ZNF143: variants seen among roughly 807,000 people sequenced by gnomAD.
ZNF143 encodes SPH-binding factor.
ZNF143 carries 49 observed loss-of-function variants against 74.1 expected under a neutral mutation model. The ratio of observed to expected loss-of-function variants is 0.66; its 90% CI spans 0.53 to 0.84. ZNF143 has a LOEUF of 0.84. ZNF143 is among the 40% of genes least tolerant of loss of function. The probability of loss-of-function intolerance (pLI) is 0.00; values close to 1 mark genes in which losing one functional copy is unlikely to be tolerated. For missense variants in ZNF143, 637 were observed against 793.4 expected (o/e 0.80, Z 2.37); for synonymous variants, 304 against 282.8 (o/e 1.07, Z -0.75).
intron 7 of ZNF143, among the ~76,000 whole-genome samples, chr11:9,491,733 G>A (rs61876795): frequency 6.6e-6 from 1 of 152,004 alleles, no homozygotes; most frequent in South Asian, 2.1e-4. Flanking sequence ...GGACTCGCGC[G>A]ATCCTCTCAC....
chr11:9,462,883 A>G (rs1252522077), intron 1 of ZNF143, among the ~76,000 whole-genome samples: 1 of 152,174 alleles, frequency 6.6e-6, no homozygotes, highest in East Asian at 1.9e-4. Flanking sequence ...CTCAAAAAAA[A>G]AGTTGAATTT....
chr11:9,465,686 A>G (rs912187216), intron 1 of ZNF143, among the ~76,000 whole-genome samples: 4 of 126,844 alleles, frequency 3.2e-5, no homozygotes, highest in Non-Finnish European at 5.0e-5. Flanking sequence ...TTTTTTTTGT[A>G]TTTTTGGTAG....
At chr11:9,497,614 C>G in intron 9 of ZNF143, 61 bp from the exon 10 acceptor site, 1 of 1,304,822 alleles carries the variant, frequency 7.7e-7, no homozygotes, top group Non-Finnish European at 1.1e-6. Flanking sequence ...GTAGCTTATT[C>G]TCAGTGTGCA....
At chr11:9,503,709 C>G (rs1021180582) in intron 11 of ZNF143, among the ~76,000 whole-genome samples, 1 of 146,092 alleles carries the variant, frequency 6.8e-6, no homozygotes, top group African/African-American at 2.5e-5. Context: ...GTGGTGTGAT[C>G]TCAGCTCACT....
At chr11:9,498,066 G>A (rs533974538) in intron 10 of ZNF143, among the ~76,000 whole-genome samples, 33 of 152,166 alleles carry the variant, frequency 2.2e-4, no homozygotes, top group African/African-American at 7.5e-4. Flanking sequence ...TTCTGACCTC[G>A]TGATCCGCCC....
intron 10 of ZNF143, 138 bp from the exon 11 acceptor site, chr11:9,500,953 A>C: frequency 5.0e-6 from 5 of 1,007,690 alleles, no homozygotes; most frequent in Admixed American, 2.8e-5. Context: ...CAACCCCCCC[A>C]AAAAAATGCC....
chr11:9,526,820 T>C (rs977315311), intron 15 of ZNF143, among the ~76,000 whole-genome samples: 1 of 152,128 alleles, frequency 6.6e-6, no homozygotes, highest in Non-Finnish European at 1.5e-5. Flanking sequence ...CACGCTGCCA[T>C]GCGCAGCTAA....
At chr11:9,462,510 C>T (rs1855926533) in intron 1 of ZNF143, among the ~76,000 whole-genome samples, 1 of 151,696 alleles carries the variant, frequency 6.6e-6, no homozygotes, top group African/African-American at 2.4e-5. Flanking sequence ...CTGCAGTGAG[C>T]CGTGATTGTG....
intron 5 of ZNF143, among the ~76,000 whole-genome samples, chr11:9,475,649 G>A (rs150990667): frequency 4.6e-5 from 7 of 152,128 alleles, no homozygotes; most frequent in Non-Finnish European, 8.8e-5. Flanking sequence ...CTAGCACTTT[G>A]GGAGGCCGAT....
intron 14 of ZNF143, among the ~76,000 whole-genome samples, chr11:9,519,120 A>G (rs916117316): frequency 1.3e-5 from 2 of 152,172 alleles, no homozygotes; most frequent in African/African-American, 2.4e-5. Flanking sequence ...AATGTAGAAC[A>G]TTTCTATCAC....
intron 11 of ZNF143, among the ~76,000 whole-genome samples, chr11:9,506,732 G>GT (rs1394523884): frequency 6.6e-6 from 1 of 152,212 alleles, no homozygotes; most frequent in Admixed American, 6.5e-5. Context: ...TAATGATCAG[G>GT]TAATTGCTAC....
At chr11:9,507,958 T>G (rs371712606) in intron 11 of ZNF143, among the ~76,000 whole-genome samples, 6 of 152,322 alleles carry the variant, frequency 3.9e-5, no homozygotes, top group East Asian at 1.9e-4. Flanking sequence ...CTCTATACTT[T>G]TGTGTATATT....
At chr11:9,500,152 G>T (rs547591709) in intron 10 of ZNF143, among the ~76,000 whole-genome samples, 1 of 151,976 alleles carries the variant, frequency 6.6e-6, no homozygotes, top group African/African-American at 2.4e-5. Flanking sequence ...TCGCCATGTT[G>T]CCCAGGCTGG....
At chr11:9,492,388 C>G (rs1439619032) in intron 7 of ZNF143, among the ~76,000 whole-genome samples, 2 of 151,992 alleles carry the variant, frequency 1.3e-5, no homozygotes, top group Admixed American at 1.3e-4. Flanking sequence ...GCTGGGATTA[C>G]AGTCATGAGC....
chr11:9,470,398 G>C (rs1856499258), intron 1 of ZNF143, among the ~76,000 whole-genome samples: 1 of 152,162 alleles, frequency 6.6e-6, no homozygotes, highest in African/African-American at 2.4e-5. Context: ...ACATGGAGGG[G>C]AAAAGAAGGA....
intron 1 of ZNF143, among the ~76,000 whole-genome samples, chr11:9,468,422 A>G (rs968322231): frequency 6.6e-6 from 1 of 152,156 alleles, no homozygotes; most frequent in Admixed American, 6.6e-5. Flanking sequence ...ATCAGGCTCT[A>G]CCTACCTGCC....
intron 2 of ZNF143, 124 bp downstream of exon 2, chr11:9,471,544 T>G: frequency 3.3e-6 from 2 of 613,258 alleles, no homozygotes. Context: ...TTTTATGAGG[T>G]GTTTTGGTGT....
At position 9,512,563 on chromosome 11, in the gene ZNF143, A is replaced by G. The variant is rs746249522; in HGVS notation, c.1491A>G (p.Gln497=). The G allele has an allele frequency of 1.1e-5, 18 of 1,614,118 alleles. 1 individual carries two copies. In the Admixed American group the frequency reaches 2.5e-4, roughly 22 times the overall value. ...TAACCCAATCTGGACTGAGTCAACA[A>G]GTTACACTCATATCCCAGGATGGGA... The part of the protein sequence containing the change: ...ATVTQSGLSQ[Q]VTLISQDGTQ... The change falls in exon 13 of 16, where the codon CAA becomes CAG. Residue 497 remains glutamine, a synonymous_variant. Coordinates refer to ENST00000396602, the MANE Select transcript of ZNF143 (RefSeq NM_003442.6).
intron 7 of ZNF143, among the ~76,000 whole-genome samples, chr11:9,485,089 G>A (rs373407110): frequency 3.3e-5 from 5 of 150,352 alleles, no homozygotes; most frequent in South Asian, 2.1e-4. Context: ...GACCCACCGC[G>A]CCCGGCCGCC....
Sources: allele counts gnomAD v4.1 joint callset (sites outside exome capture counted in the v4.1 genomes callset), GRCh38; gene constraint gnomAD v4.1.1; transcripts MANE v1.5; gene names NCBI Gene and HGNC (gene_info 2026-07-23, HGNC 2026-07-21).